AAR2: variants seen among roughly 807,000 people sequenced by gnomAD.
The protein encoded by AAR2 is protein AAR2 homolog.
A neutral mutation model predicts 26.9 loss-of-function variants in AAR2; 31 were observed. The observed-to-expected ratio is 1.15, with a 90% confidence interval of 0.86 to 1.55. The LOEUF (loss-of-function observed/expected upper bound fraction) is 1.55. Among genes scored for constraint, AAR2 ranks in the 40% most tolerant of loss-of-function variants. AAR2 has a pLI of 0.00. For missense variants in AAR2, 430 were observed against 491.3 expected (o/e 0.88, Z 1.18); for synonymous variants, 188 against 196.1 (o/e 0.96, Z 0.34).
Position 36,240,304 on chromosome 20 carries a change from G to A in AAR2, c.436G>A (p.Glu146Lys). The change falls in exon 2 of 4, where the codon GAG (glutamate) becomes AAG (lysine). Residue 146 changes from glutamate to lysine, a missense_variant. Transcript: ENST00000320849. Reference sequence around the variant, plus strand: ...CAACTTCATCAGCGAAGCCACAGTGGAGAAGCTACAGCCCGAGAATCGACA... The same window carrying A: ...CAACTTCATCAGCGAAGCCACAGTGAAGAAGCTACAGCCCGAGAATCGACA... ...LTNFISEATV[E>K]KLQPENRQIC... 3 of 1,614,228 alleles carry A rather than the reference G, an allele frequency of 1.9e-6. No individual in the cohort carries two copies. The highest frequency in any genetic ancestry group is 2.5e-6 in the Non-Finnish European group (3 of 1,180,048).
rs377427841 is a variant in AAR2 at position 36,256,216 on chromosome 20, G to T, written c.*471G>T. 2 of 153,112 alleles carry T rather than the reference G, an allele frequency of 1.3e-5. No homozygotes were observed. The highest frequency in any genetic ancestry group is 2.9e-5 in the Non-Finnish European group (2 of 68,714). The allele number at this position is 153,112 out of a possible 1,614,324, so 9.5% of individuals were successfully genotyped here. A position where few individuals can be genotyped will look rare whatever the true frequency, so the allele number is the denominator to read the frequency against. ...TGAAGGGTGATGGGGAGATCAGCCC[G>T]AATTGCCGCCTGCCTCTTGCTAAAT... is the stretch of plus-strand genomic sequence containing the variant. On this transcript the variant is annotated 3_prime_UTR_variant, in exon 4 of 4. Transcript: ENST00000320849.
chr20:36,237,485 G>A (rs972678171), intron 1 of AAR2, among the ~76,000 whole-genome samples: 30 of 152,114 alleles, frequency 2.0e-4, no homozygotes, highest in African/African-American at 7.0e-4. Flanking sequence ...GGGGCTGGTA[G>A]ACTGCAGAGT....
In AAR2 at chr20:36,255,928, C is replaced by A; in HGVS notation, c.*183C>A. 1 of 862,170 alleles carries A rather than the reference C, an allele frequency of 1.2e-6. No homozygotes were observed. Among genetic ancestry groups the A allele is most frequent in the Non-Finnish European group, 1.7e-6 (1 of 584,082 alleles). 53.4% of individuals were successfully genotyped at this position (862,170 alleles called of 1,614,324 possible). On this transcript the variant is annotated 3_prime_UTR_variant, in exon 4 of 4. Coordinates refer to ENST00000320849, the MANE Select transcript of AAR2 (RefSeq NM_001271874.2). Reference sequence around the variant, plus strand: ...TTTCTTCATTGCCAAAGAGGCTGTACCCATCCTGAAGGCACATTTGTGGGT... The same window carrying A: ...TTTCTTCATTGCCAAAGAGGCTGTAACCATCCTGAAGGCACATTTGTGGGT...
chr20:36,236,827 A>G (rs1380776921), intron 1 of AAR2: 1 of 152,284 alleles, frequency 6.6e-6, no homozygotes, highest in Non-Finnish European at 1.5e-5. Context: ...CGTTTACAAA[A>G]TGGATATCAT....
intron 2 of AAR2, among the ~76,000 whole-genome samples, chr20:36,242,469 C>T (rs2147289007): frequency 6.6e-6 from 1 of 152,174 alleles, no homozygotes; most frequent in South Asian, 2.1e-4. Context: ...CGGCTCACTG[C>T]AAGCTCCGCC....
chr20:36,244,855 C>T lies in AAR2; in HGVS notation c.916C>T (p.Leu306Phe). ...CCTCATCTCCATCCTGTACCACCAG[C>T]TTGGTGAGATCCCCGCTGACTTCTT... ...INLISILYHQLGEIPADFFVD... is the reference protein window; with the variant it reads ...INLISILYHQFGEIPADFFVD... Residue 306 changes from leucine to phenylalanine, a missense_variant, in exon 3 of 4, where the codon CTT (leucine) becomes TTT (phenylalanine). Leu to Phe is a conservative substitution (Grantham distance 22). Transcript: ENST00000320849. 1 of 1,614,224 alleles carries T rather than the reference C, an allele frequency of 6.2e-7. No individual in the cohort carries two copies. The highest frequency in any genetic ancestry group is 8.5e-7 in the Non-Finnish European group (1 of 1,180,046).
rs570672668 is a variant in AAR2 at position 36,241,129 on chromosome 20, G to GAAA, written c.757+505_757+506insAAA. 7.7e-4 allele frequency among the ~76,000 whole-genome samples: 117 copies of GAAA among 152,126 alleles called. 1 individual carries two copies. The highest frequency in any genetic ancestry group is 2.8e-3 in the African/African-American group (115 of 41,482). On this transcript the variant is annotated intron_variant, in intron 2 of 3. Transcript: ENST00000320849. ...CTTCCCTTTTATTACAAAAATGATAGATAATAATCATAAAAGAAAAACAAA... is the reference window on the plus strand; with the variant it reads ...CTTCCCTTTTATTACAAAAATGATAGAAAATAATAATCATAAAAGAAAAACAAA...
intron 3 of AAR2, among the ~76,000 whole-genome samples, chr20:36,252,213 C>T (rs2064785468): frequency 6.6e-6 from 1 of 152,188 alleles, no homozygotes; most frequent in African/African-American, 2.4e-5. Flanking sequence ...GCCTTTCTTT[C>T]TCCCCAGCAT....
At chr20:36,251,927 T>C (rs1423566430) in intron 3 of AAR2, among the ~76,000 whole-genome samples, 1 of 152,208 alleles carries the variant, frequency 6.6e-6, no homozygotes, top group Non-Finnish European at 1.5e-5. Context: ...AGTCCCTGGG[T>C]CTCAATAGGT....
chr20:36,250,934 T>G (rs1489785010), intron 3 of AAR2, among the ~76,000 whole-genome samples: 6 of 152,126 alleles, frequency 3.9e-5, no homozygotes, highest in Non-Finnish European at 2.9e-5. Flanking sequence ...TGGTGGCTCA[T>G]GCCTCTAATC....
intron 2 of AAR2, among the ~76,000 whole-genome samples, chr20:36,241,937 T>C (rs969024182): frequency 1.3e-5 from 2 of 152,122 alleles, no homozygotes; most frequent in Admixed American, 1.3e-4. Flanking sequence ...TTTGACAGCA[T>C]TGGGCATGAC....
chr20:36,244,858 G>T lies in AAR2; in HGVS notation c.919G>T (p.Gly307Cys). 1 of 1,614,146 alleles carries T rather than the reference G, an allele frequency of 6.2e-7. No homozygotes were observed. Among genetic ancestry groups the T allele is most frequent in the Non-Finnish European group, 8.5e-7 (1 of 1,180,032 alleles). ...NLISILYHQLGEIPADFFVDI... is the reference protein window; with the variant it reads ...NLISILYHQLCEIPADFFVDI... ...CATCTCCATCCTGTACCACCAGCTT[G>T]GTGAGATCCCCGCTGACTTCTTCGT... The change falls in exon 3 of 4, where the codon GGT (glycine) becomes TGT (cysteine). Residue 307 changes from glycine (G) to cysteine (C), a missense_variant. Transcript: ENST00000320849.
chr20:36,248,249 T>C (rs2147294796), intron 3 of AAR2, among the ~76,000 whole-genome samples: 1 of 152,304 alleles, frequency 6.6e-6, no homozygotes, highest in East Asian at 1.9e-4. Context: ...CTGAAACTAA[T>C]ATATTGTCTG....
At chr20:36,252,946 G>A (rs1390579202) in intron 3 of AAR2, among the ~76,000 whole-genome samples, 1 of 149,314 alleles carries the variant, frequency 6.7e-6, no homozygotes, top group Non-Finnish European at 1.5e-5. Flanking sequence ...CTTCCCCATG[G>A]CCCTCGCCAC....
At chr20:36,248,395 G>A (rs2064754971) in intron 3 of AAR2, among the ~76,000 whole-genome samples, 2 of 151,154 alleles carry the variant, frequency 1.3e-5, no homozygotes, top group Non-Finnish European at 2.9e-5. Context: ...GAGTACAATG[G>A]CGCGATCTCG....
chr20:36,241,793 A>T (rs1299979050), intron 2 of AAR2, among the ~76,000 whole-genome samples: 2 of 152,136 alleles, frequency 1.3e-5, no homozygotes, highest in Non-Finnish European at 2.9e-5. Context: ...ATATATACAT[A>T]TATCATCTAG....
At chr20:36,255,521 T>C in intron 3 of AAR2, 57 bp from the exon 4 acceptor site, 1 of 1,596,460 alleles carries the variant, frequency 6.3e-7, no homozygotes, top group Non-Finnish European at 8.6e-7. Context: ...TTTCCACAGC[T>C]TTCTCGCCCC....
chr20:36,246,641 G>A (rs2064736939), intron 3 of AAR2, among the ~76,000 whole-genome samples: 1 of 152,214 alleles, frequency 6.6e-6, no homozygotes, highest in African/African-American at 2.4e-5. Context: ...GGGCCACGGT[G>A]TTGCTGGCTG....
At chr20:36,254,795 T>C (rs1407423691) in intron 3 of AAR2, among the ~76,000 whole-genome samples, 1 of 152,158 alleles carries the variant, frequency 6.6e-6, no homozygotes, top group East Asian at 1.9e-4. Flanking sequence ...AGATATACCG[T>C]AAGTAAAAAA....
Sources: allele counts gnomAD v4.1 joint callset (sites outside exome capture counted in the v4.1 genomes callset), GRCh38; gene constraint gnomAD v4.1.1; transcripts MANE v1.5; gene names NCBI Gene and HGNC (gene_info 2026-07-23, HGNC 2026-07-21).